CFAP54: variants seen among roughly 807,000 people sequenced by gnomAD.
CFAP54 encodes cilia and flagella associated protein 54.
Under a neutral mutation model 370.4 loss-of-function variants are expected in CFAP54, and 290 were observed. That is an observed-to-expected ratio of 0.78 (90% CI 0.71 to 0.86). The LOEUF is 0.86. Ranked by LOEUF, CFAP54 falls within the 40% of genes least tolerant of loss-of-function variation. The pLI is 0.00. For missense variants in CFAP54, 3,399 were observed against 3,528.7 expected (o/e 0.96, Z 0.93); for synonymous variants, 1,206 against 1,236.5 (o/e 0.98, Z 0.52).
intron 66 of CFAP54, among the ~76,000 whole-genome samples, chr12:96,856,168 C>T (rs1362440007): frequency 1.3e-5 from 2 of 152,192 alleles, no homozygotes; most frequent in Non-Finnish European, 2.9e-5. Context: ...AGGCTGCACA[C>T]AGGAGGGGCC....
intron 67 of CFAP54, among the ~76,000 whole-genome samples, chr12:96,869,114 T>C (rs1197032107): frequency 6.6e-6 from 1 of 152,238 alleles, no homozygotes; most frequent in Non-Finnish European, 1.5e-5. Context: ...ACAATATCCA[T>C]TTCTGACTAA....
At chr12:96,801,148 A>T (rs1958816265) in intron 63 of CFAP54, among the ~76,000 whole-genome samples, 1 of 152,222 alleles carries the variant, frequency 6.6e-6, no homozygotes, top group African/African-American at 2.4e-5. Flanking sequence ...GGAACTAGGG[A>T]TGCTGGTGGC....
chr12:96,652,577 G>T (rs1862018), intron 36 of CFAP54, among the ~76,000 whole-genome samples: 66,024 of 151,860 alleles, frequency 0.43, 14,722 homozygotes, highest in Admixed American at 0.51. Context: ...AGGGAAGAAG[G>T]AACAAAGGAA....
At chr12:96,868,925 G>C (rs34492) in intron 67 of CFAP54, among the ~76,000 whole-genome samples, 1 of 151,884 alleles carries the variant, frequency 6.6e-6, no homozygotes, top group African/African-American at 2.4e-5. Flanking sequence ...ATGCATTGCT[G>C]TTACTGATCC....
At chr12:96,750,249 T>G (rs1187839249) in intron 55 of CFAP54, among the ~76,000 whole-genome samples, 2 of 152,292 alleles carry the variant, frequency 1.3e-5, no homozygotes, top group South Asian at 2.1e-4. Context: ...GCTCTGTCTG[T>G]TCTTACCCGT....
intron 65 of CFAP54, among the ~76,000 whole-genome samples, chr12:96,821,836 T>C (rs1467065466): frequency 1.3e-5 from 2 of 151,982 alleles, no homozygotes; most frequent in African/African-American, 4.8e-5. Context: ...CTAAAAGAGA[T>C]CAATTCTGGT....
intron 4 of CFAP54, among the ~76,000 whole-genome samples, chr12:96,507,712 C>CTCTG (rs1955123035): frequency 1.3e-5 from 2 of 152,106 alleles, no homozygotes; most frequent in Non-Finnish European, 2.9e-5. Context: ...ACAGTGTGTT[C>CTCTG]GATGTGCATA....
At chr12:96,795,936 C>T (rs1958756543) in intron 63 of CFAP54, among the ~76,000 whole-genome samples, 1 of 152,152 alleles carries the variant, frequency 6.6e-6, no homozygotes, top group Non-Finnish European at 1.5e-5. Flanking sequence ...AAATGTCTTC[C>T]CTGGGGACTG....
At chr12:96,803,161 A>G (rs530178132) in intron 63 of CFAP54, among the ~76,000 whole-genome samples, 1 of 152,316 alleles carries the variant, frequency 6.6e-6, no homozygotes, top group African/African-American at 2.4e-5. Context: ...TCTTTACAGT[A>G]GAATGATTTA....
intron 48 of CFAP54, among the ~76,000 whole-genome samples, chr12:96,710,362 A>G (rs1157837130): frequency 6.6e-6 from 1 of 152,318 alleles, no homozygotes; most frequent in East Asian, 1.9e-4. Context: ...TGTGTTTGCT[A>G]TGCAAATGGA....
chr12:96,806,485 AC>A lies in CFAP54; in HGVS notation c.8851-5250del, dbSNP rs149922488. Among the ~76,000 whole-genome samples the A allele has an allele frequency of 7.9e-5, 12 of 151,458 alleles. No homozygotes were observed. The East Asian group carries it at 2.4e-3, about 30-fold the overall frequency. On this transcript the variant is annotated intron_variant, in intron 63 of 67. Coordinates refer to ENST00000524981, the MANE Select transcript of CFAP54 (RefSeq NM_001306084.2). ...TACAAATAAGAGATGTGGACCTAGT[AC>A]TCTTTTCTGGAAGACTTTATACCCC...
intron 39 of CFAP54, among the ~76,000 whole-genome samples, chr12:96,666,283 C>T (rs751876774): frequency 1.3e-5 from 2 of 152,128 alleles, no homozygotes; most frequent in Non-Finnish European, 1.5e-5. Flanking sequence ...TTTCCATAAT[C>T]AATATAGATT....
At chr12:96,503,810 A>G (rs1565877171) in intron 2 of CFAP54, 76 bp from the exon 3 acceptor site, 2 of 1,219,420 alleles carry the variant, frequency 1.6e-6, no homozygotes, top group Non-Finnish European at 2.2e-6. Context: ...ACTATTAGGA[A>G]TAATATGAAT....
Position 96,489,761 on chromosome 12 carries a change from G to C in CFAP54, c.152G>C (p.Cys51Ser). The C allele has an allele frequency of 2.0e-6, 3 of 1,536,136 alleles. No individual in the cohort carries two copies. The highest frequency in any genetic ancestry group is 8.7e-7 in the Non-Finnish European group (1 of 1,146,912). The change falls in exon 1 of 68, where the codon TGC becomes TCC. Residue 51 changes from cysteine to serine, a missense_variant. Cys to Ser is a moderately radical substitution (Grantham distance 112, BLOSUM62 -1). Coordinates refer to ENST00000524981, the MANE Select transcript of CFAP54 (RefSeq NM_001306084.2). ...SSRSSLLQWTCPEDSLPLAVF... is the reference protein window; with the variant it reads ...SSRSSLLQWTSPEDSLPLAVF... Reference sequence around the variant, plus strand: ...CGGAGCTCGCTGCTTCAGTGGACCTGCCCCGAGGACTCATTGCCCCTAGCC... The same window carrying C: ...CGGAGCTCGCTGCTTCAGTGGACCTCCCCCGAGGACTCATTGCCCCTAGCC...
chr12:96,669,820 A>G (rs1957123912), intron 39 of CFAP54, among the ~76,000 whole-genome samples: 1 of 152,152 alleles, frequency 6.6e-6, no homozygotes, highest in African/African-American at 2.4e-5. Flanking sequence ...GGAGATTTGT[A>G]TTTTAGTCAT....
At chr12:96,627,694 A>G (rs946631707) in intron 30 of CFAP54, among the ~76,000 whole-genome samples, 3 of 152,258 alleles carry the variant, frequency 2.0e-5, no homozygotes, top group Non-Finnish European at 4.4e-5. Flanking sequence ...TTTTCAAAAG[A>G]TAAAAGAAGA....
chr12:96,744,198 A>G, intron 55 of CFAP54, 52 bp downstream of exon 55: 1 of 1,478,446 alleles, frequency 6.8e-7, no homozygotes, highest in Non-Finnish European at 9.2e-7. Context: ...AAACTTTTTA[A>G]GTTATTTTTA....
At chr12:96,737,458 ATATAT>A (rs973933808) in intron 50 of CFAP54, among the ~76,000 whole-genome samples, 33 of 147,848 alleles carry the variant, frequency 2.2e-4, no homozygotes, top group African/African-American at 3.7e-4. Context: ...TTTTTAATAG[ATATAT>A]TATATATTAT....
At position 96,554,209 on chromosome 12, in the gene CFAP54, G is replaced by A. The variant is rs544360263; in HGVS notation, c.2182G>A (p.Ala728Thr). 74 of 1,508,456 alleles carry A rather than the reference G, an allele frequency of 4.9e-5. 1 individual carries two copies. The African/African-American group carries it at 6.8e-4, about 14-fold the overall frequency. 93.4% of individuals were successfully genotyped at this position (1,508,456 alleles called of 1,614,324 possible). Reference protein sequence around the residue: ...QKNPVEQLLFAYKLLDRAIGG... With the variant: ...QKNPVEQLLFTYKLLDRAIGG... The stretch of plus-strand genomic sequence containing the variant: ...AAATCCTGTGGAACAGTTACTTTTT[G>A]CTTATAAACTTCTTGACAGAGCAAT... Residue 728 changes from alanine to threonine, a missense_variant, in exon 16 of 68, where the codon GCT becomes ACT. Coordinates refer to ENST00000524981, the MANE Select transcript of CFAP54 (RefSeq NM_001306084.2).
Sources: allele counts gnomAD v4.1 joint callset (sites outside exome capture counted in the v4.1 genomes callset), GRCh38; gene constraint gnomAD v4.1.1; transcripts MANE v1.5; gene names NCBI Gene and HGNC (gene_info 2026-07-23, HGNC 2026-07-21).